Variants in SMG5 observed in about 807,000 individuals in gnomAD.
SMG5 encodes the protein nonsense-mediated mRNA decay factor SMG5.
SMG5 carries 53 observed loss-of-function variants against 122.9 expected under a neutral mutation model. The ratio of observed to expected loss-of-function variants is 0.43; its 90% CI spans 0.35 to 0.54. SMG5 has a LOEUF of 0.54. Ranked by LOEUF, SMG5 falls within the 20% of genes least tolerant of loss-of-function variation. The pLI, the probability that SMG5 is intolerant of heterozygous loss-of-function variation, is 0.01. For synonymous variants in SMG5, 477 were observed against 490.2 expected, an observed-to-expected ratio of 0.97 and a Z score of 0.35; for missense variants, 1,153 against 1,285.6, an observed-to-expected ratio of 0.90 and a Z score of 1.58.
intron 3 of SMG5, 114 bp from the exon 4 acceptor site, chr1:156,277,355 A>T: frequency 8.5e-7 from 1 of 1,180,030 alleles, no homozygotes; most frequent in Non-Finnish European, 1.2e-6. Context: ...ATCTACTCTC[A>T]CTCACAAGTT....
chr1:156,267,784 A>G, intron 9 of SMG5, 106 bp from the exon 10 acceptor site: 1 of 989,108 alleles, frequency 1.0e-6, no homozygotes, highest in Non-Finnish European at 1.5e-6. Flanking sequence ...GCTGCAGGGG[A>G]GACCTGAGAG....
chr1:156,282,595 G>A lies in SMG5; in HGVS notation c.74+12C>T. The A allele has an allele frequency of 6.2e-7, 1 of 1,605,476 alleles. No homozygotes were observed. The highest frequency in any genetic ancestry group is 8.5e-7 in the Non-Finnish European group (1 of 1,178,764). On this transcript the variant is annotated intron_variant, in intron 1 of 21. Transcript: ENST00000361813. Reference sequence around the variant, plus strand: ...CCCTCGGTGGCTGCTCTCACGCCCTGGCCCCTCTCACCGGTAAAGCCGCTT... The same window carrying A: ...CCCTCGGTGGCTGCTCTCACGCCCTAGCCCCTCTCACCGGTAAAGCCGCTT...
chr1:156,259,391 G>C (rs543223931), intron 15 of SMG5, among the ~76,000 whole-genome samples: 19 of 152,290 alleles, frequency 1.2e-4, no homozygotes, highest in Admixed American at 1.2e-3. Flanking sequence ...AAACTCCTAG[G>C]AGGACCAGAA....
At chr1:156,291,103 G>C in the SMG5 span, 1 of 414,360 alleles carries the variant, frequency 2.4e-6, no homozygotes, top group Non-Finnish European at 4.4e-6. Flanking sequence ...GCAAGACCAT[G>C]TCTCTAAAAA....
chr1:156,278,072 G>C (rs1572599749), intron 2 of SMG5, 24 bp from the exon 3 acceptor site: 1 of 1,612,900 alleles, frequency 6.2e-7, no homozygotes, highest in Non-Finnish European at 8.5e-7. Context: ...AGGAGCATGA[G>C]AGAGACAGCC....
intron 2 of SMG5, among the ~76,000 whole-genome samples, chr1:156,278,377 GTTTT>G (rs370053043): frequency 7.1e-6 from 1 of 140,002 alleles, no homozygotes; most frequent in Admixed American, 7.1e-5. Context: ...ATATTTTTGG[GTTTT>G]TTTTTTTTTT....
the SMG5 span, among the ~76,000 whole-genome samples, chr1:156,289,688 A>G: frequency 1.3e-5 from 2 of 152,230 alleles, no homozygotes; most frequent in African/African-American, 4.8e-5. Context: ...TGCAGAAGAG[A>G]AGCAGCAGTT....
In SMG5 at chr1:156,265,711, C is replaced by T. The variant is rs114113609; in HGVS notation, c.1855+70G>A. The T allele has an allele frequency of 1.8e-3, 2,744 of 1,549,596 alleles. 8 individuals carry two copies. Among genetic ancestry groups the T allele is most frequent in the Non-Finnish European group, 2.2e-3 (2,471 of 1,146,898 alleles). ...GAGGTCATTCACACAGATAGGAAAGCGGCCTCTCTGGTGAGTGTCTATGGC... is the reference window on the plus strand; with the variant it reads ...GAGGTCATTCACACAGATAGGAAAGTGGCCTCTCTGGTGAGTGTCTATGGC... On this transcript the variant is annotated intron_variant, in intron 12 of 21. Transcript: ENST00000361813.
intron 2 of SMG5, 109 bp from the exon 3 acceptor site, chr1:156,278,157 G>A: frequency 7.1e-7 from 1 of 1,417,566 alleles, no homozygotes; most frequent in Non-Finnish European, 9.5e-7. Flanking sequence ...AAATCTCGGT[G>A]CTTCCCAAGA....
chr1:156,255,833 T>C (rs185136112), intron 16 of SMG5, among the ~76,000 whole-genome samples: 1 of 151,968 alleles, frequency 6.6e-6, no homozygotes, highest in Admixed American at 6.5e-5. Context: ...AGGCCAGGAG[T>C]TCAAGGCTGC....
intron 6 of SMG5, among the ~76,000 whole-genome samples, chr1:156,272,742 AATTTTTTGTATTTTT>A (rs1662492186): frequency 6.6e-6 from 1 of 151,932 alleles, no homozygotes; most frequent in South Asian, 2.1e-4. Context: ...ATGCCCGGCT[AATTTTTTGTATTTTT>A]AGTAGAGACG....
In SMG5 at chr1:156,251,118, C is replaced by A. The variant is rs559770986; in HGVS notation, c.2829-122G>T. 100 of 1,336,474 alleles carry A rather than the reference C, an allele frequency of 7.5e-5. 1 individual carries two copies. The African/African-American group carries it at 1.3e-3, about 18-fold the overall frequency. The allele number at this position is 1,336,474 out of a possible 1,614,324, so 82.8% of individuals were successfully genotyped here. On this transcript the variant is annotated intron_variant, in intron 20 of 21. Coordinates refer to ENST00000361813, the MANE Select transcript of SMG5 (RefSeq NM_015327.3). ...GGAGGGCAGTGAGCAGCAGTGGGCC[C>A]TGGAAGCTGGCCCTGGAGACATATG...
At chr1:156,256,650 G>C (rs1212295497) in intron 16 of SMG5, among the ~76,000 whole-genome samples, 1 of 152,064 alleles carries the variant, frequency 6.6e-6, no homozygotes. Context: ...CTAATATGAG[G>C]CTCTGACATT....
rs1662155542 is a variant in SMG5, at chr1:156,266,562, C to G, written c.1234G>C (p.Ala412Pro). The stretch of plus-strand genomic sequence containing the variant: ...CCACCTGTGCCATCACTCTGGAATG[C>G]CGGGACGGGATTCTCGCCCTCTTCC... ...ELEEGENPVP[A>P]FQSDGTDEPE... is the part of the protein sequence containing the mutation. The change falls in exon 11 of 22, where the codon GCA becomes CCA. Residue 412 changes from alanine to proline, a missense_variant. Physicochemically the swap from Ala to Pro is conservative, Grantham distance 27 (BLOSUM62 -1). Around this residue, in one of 5 missense-constraint regions of SMG5, gnomAD observed 631 missense variants for 650.6 expected, o/e 0.97. Transcript: ENST00000361813. 2.5e-6 allele frequency: 4 copies of G among 1,614,052 alleles called. No individual in the cohort carries two copies. The highest frequency in any genetic ancestry group is 3.4e-6 in the Non-Finnish European group (4 of 1,180,052).
At chr1:156,260,862 T>C (rs1661792637) in intron 14 of SMG5, among the ~76,000 whole-genome samples, 1 of 152,198 alleles carries the variant, frequency 6.6e-6, no homozygotes, top group Non-Finnish European at 1.5e-5. Context: ...GAAGGCTTCC[T>C]GACAGCAGGG....
At chr1:156,257,297 G>A (rs542104285) in intron 16 of SMG5, among the ~76,000 whole-genome samples, 1 of 152,262 alleles carries the variant, frequency 6.6e-6, no homozygotes, top group African/African-American at 2.4e-5. Context: ...GGTTAATTGA[G>A]ATGTCACATG....
rs760784556 is a variant in SMG5, at chr1:156,265,833, C to T, written c.1803G>A (p.Ser601=). 19 of 1,613,960 alleles carry T rather than the reference C, an allele frequency of 1.2e-5. No homozygotes were observed. Among genetic ancestry groups the T allele is most frequent in the East Asian group, 4.5e-5 (2 of 44,886 alleles). ...CATTGACGCAAGGCCTGTGGCTGGCCGAGGTATGAGGGTTGGTGGTGGGCT... is the reference window on the plus strand; with the variant it reads ...CATTGACGCAAGGCCTGTGGCTGGCTGAGGTATGAGGGTTGGTGGTGGGCT... The part of the protein sequence containing the change: ...LLQPTTNPHT[S]ASHRPCVNGD... Residue 601 remains serine (S), a synonymous_variant, in exon 12 of 22, where the codon TCG becomes TCA. Transcript: ENST00000361813.
chr1:156,271,916 C>T (rs1662454532), intron 7 of SMG5, among the ~76,000 whole-genome samples: 1 of 152,090 alleles, frequency 6.6e-6, no homozygotes, highest in African/African-American at 2.4e-5. Flanking sequence ...TTTATTCTAA[C>T]AGCTAAGAGT....
rs1368072853 is a variant in SMG5 at position 156,263,543 on chromosome 1, C to T, written c.1883G>A (p.Gly628Glu). Residue 628 changes from glycine to glutamate, a missense_variant, in exon 13 of 22, where the codon GGG becomes GAG. Gly to Glu is a moderately conservative substitution (Grantham distance 98). This residue lies in a region of SMG5 where 631 missense variants were observed against 650.6 expected (regional missense o/e 0.97). Coordinates refer to ENST00000361813, the MANE Select transcript of SMG5 (RefSeq NM_015327.3). ...ACAGGAGCGTCCACTGGACTCACTC[C>T]CCTCCGACTCAGAGCCCTCCTCAGA... ...PASEEGSESE[G>E]SESSGRSCRN... 24 of 1,613,984 alleles carry T rather than the reference C, an allele frequency of 1.5e-5. No individual in the cohort carries two copies. The highest frequency in any genetic ancestry group is 1.8e-5 in the Non-Finnish European group (21 of 1,179,966).
Sources: gnomAD v4.1 joint callset for allele counts (sites outside exome capture counted in the v4.1 genomes callset) on GRCh38, gnomAD v4.1.1 for gene constraint, gnomAD v4.1.1 regional missense constraint, MANE v1.5 for transcripts, NCBI Gene and HGNC (gene_info 2026-07-23, HGNC 2026-07-21) for gene names.